ABLIM3: variants seen among roughly 807,000 people sequenced by gnomAD.
ABLIM3 encodes the protein actin binding LIM protein family member 3.
In ABLIM3, 61 loss-of-function variants were observed where a neutral mutation model predicts 109.5. The ratio of observed to expected loss-of-function variants is 0.56; its 90% confidence interval spans 0.45 to 0.69. The LOEUF is 0.69. Among genes scored for constraint, ABLIM3 ranks in the 30% least tolerant of loss-of-function variants. The pLI is 0.00. For synonymous variants in ABLIM3, 300 were observed against 324.8 expected (o/e 0.92, Z 0.82); for missense variants, 796 against 889.5 (o/e 0.89, Z 1.34).
chr5:149,172,714 T>C (rs941675102), intron 2 of ABLIM3, among the ~76,000 whole-genome samples: 1 of 152,164 alleles, frequency 6.6e-6, no homozygotes, highest in African/African-American at 2.4e-5. Flanking sequence ...GGCCCAGTAA[T>C]TTTTTCCCCT....
At chr5:149,206,947 G>T in intron 5 of ABLIM3, 61 bp from the exon 6 acceptor site, 1 of 1,574,280 alleles carries the variant, frequency 6.4e-7, no homozygotes, top group South Asian at 1.2e-5. Context: ...ACGTGGGCCT[G>T]AGATAGCGGG....
intron 18 of ABLIM3, among the ~76,000 whole-genome samples, chr5:149,249,471 G>A (rs985823906): frequency 6.6e-6 from 1 of 152,220 alleles, no homozygotes; most frequent in Non-Finnish European, 1.5e-5. Flanking sequence ...CTGTTTTCCT[G>A]CCTGACCACT....
At chr5:149,183,972 T>G (rs867607206) in intron 3 of ABLIM3, among the ~76,000 whole-genome samples, 7 of 54,546 alleles carry the variant, frequency 1.3e-4, no homozygotes, top group Non-Finnish European at 2.6e-4. Flanking sequence ...TGTTTTTTGG[T>G]TTTTTTTTTT....
Position 149,237,577 on chromosome 5 carries a change from A to T in ABLIM3, c.1018A>T (p.Met340Leu), listed in dbSNP as rs766994899. The change falls in exon 11 of 24, where the codon ATG becomes TTG. Residue 340 changes from methionine to leucine, a missense_variant. By Grantham distance (15) the Met-to-Leu change is conservative. Transcript: ENST00000309868. ...TCATTCCAGATACATGTCCGACGAG[A>T]TGCTGGAGAGATGTGGCTATGGAGA... The part of the protein sequence containing the change: ...EPHSRYMSDE[M>L]LERCGYGESL... 1 of 1,614,136 alleles carries T rather than the reference A, an allele frequency of 6.2e-7. No individual in the cohort carries two copies. The highest frequency in any genetic ancestry group is 8.5e-7 in the Non-Finnish European group (1 of 1,180,028).
intron 8 of ABLIM3, among the ~76,000 whole-genome samples, chr5:149,224,933 G>A: frequency 6.6e-6 from 1 of 152,218 alleles, no homozygotes. Flanking sequence ...AATATTACAT[G>A]AAATGATGCA....
chr5:149,231,698 C>T (rs982660031), intron 9 of ABLIM3, among the ~76,000 whole-genome samples: 1 of 152,182 alleles, frequency 6.6e-6, no homozygotes, highest in Non-Finnish European at 1.5e-5. Context: ...ACCTAATTGT[C>T]CCTTTCTTCA....
In ABLIM3 at chr5:149,255,029, G is replaced by A. The variant is rs545538578; in HGVS notation, c.1938+2192G>A. 2.6e-5 allele frequency among the ~76,000 whole-genome samples: 4 copies of A among 152,306 alleles called. No individual in the cohort carries two copies. In the South Asian group the frequency reaches 8.3e-4, roughly 32 times the overall value. ...AGGAAGACTATGACCCTGTCCTCAA[G>A]GAGCTCAGAGAATAGATATTCATTC... On this transcript the variant is annotated intron_variant, in intron 23 of 23. Transcript: ENST00000309868.
intron 8 of ABLIM3, chr5:149,219,016 G>A (rs2127528809): frequency 6.6e-6 from 1 of 152,404 alleles, no homozygotes; most frequent in South Asian, 2.1e-4. Context: ...CTAAGGCCAG[G>A]GCAGCAGTTA....
At chr5:149,219,355 G>A (rs1044149217) in intron 8 of ABLIM3, 1 of 152,272 alleles carries the variant, frequency 6.6e-6, no homozygotes, top group African/African-American at 2.4e-5. Flanking sequence ...GAATCCTGGA[G>A]CAGGAATTCC....
chr5:149,208,176 A>G (rs1759181860), intron 6 of ABLIM3, among the ~76,000 whole-genome samples: 1 of 152,200 alleles, frequency 6.6e-6, no homozygotes, highest in Non-Finnish European at 1.5e-5. Context: ...GACCTTTTTG[A>G]TCCTAAGTGA....
At chr5:149,191,032 C>G (rs1329774286) in intron 3 of ABLIM3, among the ~76,000 whole-genome samples, 1 of 151,984 alleles carries the variant, frequency 6.6e-6, no homozygotes, top group East Asian at 1.9e-4. Context: ...ACTAAGTGTT[C>G]AACTCAAAAA....
chr5:149,187,629 A>G (rs1168652067), intron 3 of ABLIM3, among the ~76,000 whole-genome samples: 1 of 152,222 alleles, frequency 6.6e-6, no homozygotes, highest in African/African-American at 2.4e-5. Context: ...TTCTACTTTT[A>G]AACTTAACTT....
chr5:149,186,158 G>A (rs1423356831), intron 3 of ABLIM3, among the ~76,000 whole-genome samples: 1 of 152,176 alleles, frequency 6.6e-6, no homozygotes, highest in East Asian at 1.9e-4. Context: ...GCTCACTCCT[G>A]TAATCCCAGC....
In ABLIM3 at chr5:149,183,554, A is replaced by G. The variant is rs766066779; in HGVS notation, c.116A>G (p.Asn39Ser). 1.9e-6 allele frequency: 3 copies of G among 1,586,262 alleles called. No individual in the cohort carries two copies. The highest frequency in any genetic ancestry group is 2.6e-6 in the Non-Finnish European group (3 of 1,167,308). The change falls in exon 3 of 24, where the codon AAC (asparagine) becomes AGC (serine). Residue 39 changes from asparagine (N) to serine (S), a missense_variant. Physicochemically the swap from Asn to Ser is conservative, Grantham distance 46 (BLOSUM62 1). Coordinates refer to ENST00000309868, the MANE Select transcript of ABLIM3 (RefSeq NM_014945.5). ...TCKGEVVRVH[N>S]NHFHIRCFTC... ...AAAGGGGAAGTGGTCCGCGTGCACA[A>G]CAACCACTTCCACATCAGATGCTTC... is the stretch of plus-strand genomic sequence containing the variant.
chr5:149,163,935 G>A (rs4076805), intron 2 of ABLIM3: 83,430 of 151,958 alleles, frequency 0.55, 23,091 homozygotes, highest in Admixed American at 0.68. Flanking sequence ...CCTTCTTGTT[G>A]GTCACACAAC....
intron 5 of ABLIM3, among the ~76,000 whole-genome samples, chr5:149,202,885 G>A (rs767493862): frequency 1.3e-5 from 2 of 151,482 alleles, no homozygotes; most frequent in South Asian, 4.2e-4. Context: ...CATCATCATT[G>A]CAAACATTGA....
intron 23 of ABLIM3, among the ~76,000 whole-genome samples, chr5:149,253,451 A>G (rs576084769): frequency 6.6e-6 from 1 of 152,206 alleles, no homozygotes; most frequent in African/African-American, 2.4e-5. Context: ...TGCTTCCCCC[A>G]TGCTGCCAAG....
intron 8 of ABLIM3, among the ~76,000 whole-genome samples, chr5:149,224,270 TC>T (rs1433163400): frequency 2.6e-5 from 4 of 152,322 alleles, no homozygotes; most frequent in African/African-American, 9.6e-5. Flanking sequence ...ACTGTTATTA[TC>T]AGCACCTATT....
chr5:149,239,850 C>T lies in ABLIM3; in HGVS notation c.1166C>T (p.Pro389Leu), dbSNP rs1752618382. 1.2e-6 allele frequency: 2 copies of T among 1,610,424 alleles called. No homozygotes were observed. The highest frequency in any genetic ancestry group is 1.7e-5 in the Admixed American group (1 of 59,634). The part of the protein sequence containing the change: ...SPTYSRQGMS[P>L]TFSRSPHHYY... Reference sequence around the variant, plus strand: ...ACCTACAGCCGGCAGGGCATGTCCCCCACCTTCTCCCGCTCACCTCACCAC... The same window carrying T: ...ACCTACAGCCGGCAGGGCATGTCCCTCACCTTCTCCCGCTCACCTCACCAC... The change falls in exon 13 of 24, where the codon CCC (proline) becomes CTC (leucine). Residue 389 changes from proline (P) to leucine (L), a missense_variant. Physicochemically the swap from Pro to Leu is moderately conservative, Grantham distance 98 (BLOSUM62 -3). Transcript: ENST00000309868.
Sources: allele counts gnomAD v4.1 joint callset (sites outside exome capture counted in the v4.1 genomes callset), GRCh38; gene constraint gnomAD v4.1.1; transcripts MANE v1.5; gene names NCBI Gene and HGNC (gene_info 2026-07-23, HGNC 2026-07-21).